Variants in NOX4 observed in about 807,000 individuals in gnomAD.
NOX4 encodes the protein kidney oxidase-1.
A neutral mutation model predicts 87.6 loss-of-function variants in NOX4; 69 were observed. The ratio of observed to expected loss-of-function variants is 0.79; its 90% CI spans 0.65 to 0.96. NOX4 has a LOEUF of 0.96. Ranked by LOEUF, NOX4 falls within the 40% of genes least tolerant of loss-of-function variation. The pLI, the probability that NOX4 is intolerant of heterozygous loss-of-function variation, is 0.00. For synonymous variants in NOX4, 275 were observed against 238.2 expected (o/e 1.15, Z -1.42); for missense variants, 680 against 681.5 (o/e 1.00, Z 0.02).
rs557349446 is a variant in NOX4 at position 89,340,053 on chromosome 11, C to G, written c.1446+10G>C. 9 of 1,463,578 alleles carry G rather than the reference C, an allele frequency of 6.1e-6. No homozygotes were observed. The highest frequency in any genetic ancestry group is 8.3e-6 in the Non-Finnish European group (9 of 1,090,594). 90.7% of individuals were successfully genotyped at this position (1,463,578 alleles called of 1,614,324 possible). Reference sequence around the variant, plus strand: ...AAAAATTGCAAAACTAGAACCAACCCTAATGTTACCTTGTTATGCAACATA... The same window carrying G: ...AAAAATTGCAAAACTAGAACCAACCGTAATGTTACCTTGTTATGCAACATA... On this transcript the variant is annotated intron_variant, in intron 15 of 17. Coordinates refer to ENST00000263317, the MANE Select transcript of NOX4 (RefSeq NM_016931.5).
chr11:89,412,765 C>G (rs1942547213), intron 8 of NOX4, among the ~76,000 whole-genome samples: 1 of 152,034 alleles, frequency 6.6e-6, no homozygotes, highest in Admixed American at 6.6e-5. Flanking sequence ...GGACATTGGA[C>G]TGGGCAAAGA....
At chr11:89,571,441 C>T in the NOX4 span, among the ~76,000 whole-genome samples, 3 of 152,024 alleles carry the variant, frequency 2.0e-5, no homozygotes, top group Middle Eastern at 3.4e-3. Flanking sequence ...GGACTACAGG[C>T]GCACACCACC....
At chr11:89,542,242 C>G in the NOX4 span, among the ~76,000 whole-genome samples, 1 of 152,194 alleles carries the variant, frequency 6.6e-6, no homozygotes, top group East Asian at 1.9e-4. Flanking sequence ...GATTCTGCTT[C>G]CTAATTATTG....
intron 8 of NOX4, among the ~76,000 whole-genome samples, chr11:89,409,744 A>T (rs541856417): frequency 2.0e-5 from 3 of 152,118 alleles, no homozygotes; most frequent in Admixed American, 1.3e-4. Flanking sequence ...AAGTTAAAAA[A>T]ACTTTATATC....
rs367976678 is a variant in NOX4, at chr11:89,373,417, G to A, written c.1135+15C>T. 2.8e-5 allele frequency: 41 copies of A among 1,482,370 alleles called. No individual in the cohort carries two copies. The highest frequency in any genetic ancestry group is 4.7e-5 in the South Asian group (4 of 85,688). 91.8% of individuals were successfully genotyped at this position (1,482,370 alleles called of 1,614,324 possible). ...TTTTCAAAGAATGTATCTTAAAACT[G>A]TATGTTCTACATACCTGTCCAGTCT... is the stretch of plus-strand genomic sequence containing the variant. On this transcript the variant is annotated intron_variant, in intron 12 of 17. Transcript: ENST00000263317.
At chr11:89,537,200 G>A in the NOX4 span, among the ~76,000 whole-genome samples, 1 of 152,074 alleles carries the variant, frequency 6.6e-6, no homozygotes, top group African/African-American at 2.4e-5. Flanking sequence ...GTCAGCCAAC[G>A]TCCTTAGTCA....
At chr11:89,485,552 G>A (rs1050119579) in intron 2 of NOX4, among the ~76,000 whole-genome samples, 1 of 152,020 alleles carries the variant, frequency 6.6e-6, no homozygotes, top group Non-Finnish European at 1.5e-5. Context: ...GAATTCAAGA[G>A]CTCCTATAAA....
At chr11:89,355,489 A>G (rs1937973855) in intron 12 of NOX4, among the ~76,000 whole-genome samples, 2 of 151,592 alleles carry the variant, frequency 1.3e-5, no homozygotes, top group Non-Finnish European at 2.9e-5. Flanking sequence ...TATCTTTATG[A>G]TCAAATCTTA....
intron 11 of NOX4, among the ~76,000 whole-genome samples, chr11:89,389,150 A>T (rs574443949): frequency 6.6e-6 from 1 of 152,282 alleles, no homozygotes; most frequent in African/African-American, 2.4e-5. Flanking sequence ...ACCATGAGAA[A>T]ATATAGGTGT....
rs1946846949 is a variant in NOX4 at position 89,491,322 on chromosome 11, C to CA, written c.-77dup. On this transcript the variant is annotated 5_prime_UTR_variant, in exon 1 of 18. Coordinates refer to ENST00000263317, the MANE Select transcript of NOX4 (RefSeq NM_016931.5). Reference sequence around the variant, plus strand: ...CGGGCGGCGGCCGGGGCAGCGGTTACAGTTGTGCGGCCTGCCGGGCCGCTG... The same window carrying CA: ...CGGGCGGCGGCCGGGGCAGCGGTTACAAGTTGTGCGGCCTGCCGGGCCGCTG... 3 of 1,375,836 alleles carry CA rather than the reference C, an allele frequency of 2.2e-6. No homozygotes were observed. The African/African-American group carries it at 4.3e-5, about 20-fold the overall frequency. 85.2% of individuals were successfully genotyped at this position (1,375,836 alleles called of 1,614,324 possible). A position where few individuals can be genotyped will look rare whatever the true frequency, so the allele number is the denominator to read the frequency against.
intron 2 of NOX4, among the ~76,000 whole-genome samples, chr11:89,487,054 G>C (rs595518): frequency 4.6e-5 from 7 of 151,932 alleles, no homozygotes; most frequent in Non-Finnish European, 7.4e-5. Context: ...GGGCAGCACT[G>C]GTAAAAATTA....
chr11:89,505,065 C>T, the NOX4 span, among the ~76,000 whole-genome samples: 1 of 151,954 alleles, frequency 6.6e-6, no homozygotes, highest in Admixed American at 6.6e-5. Context: ...GCTTTCTTGC[C>T]TTAATCACTC....
At chr11:89,475,004 G>T (rs1287336077) in intron 2 of NOX4, among the ~76,000 whole-genome samples, 2 of 151,594 alleles carry the variant, frequency 1.3e-5, no homozygotes, top group African/African-American at 4.8e-5. Context: ...AACTGCATTT[G>T]CAGAAATATG....
rs192146398 is a variant in NOX4 at position 89,484,555 on chromosome 11, T to C, written c.153+5903A>G. 1.2e-3 allele frequency among the ~76,000 whole-genome samples: 181 copies of C among 152,132 alleles called. 2 individuals carry two copies. The highest frequency in any genetic ancestry group is 3.4e-3 in the Middle Eastern group (1 of 292). On this transcript the variant is annotated intron_variant, in intron 2 of 17. Transcript: ENST00000263317. ...TTCATTATAGTGGCTAATATTGGAC[T>C]AAGGAGAACAATAGACTAAATAGTG...
chr11:89,397,296 A>T (rs531635673), intron 11 of NOX4, among the ~76,000 whole-genome samples: 1 of 152,320 alleles, frequency 6.6e-6, no homozygotes, highest in African/African-American at 2.4e-5. Flanking sequence ...ATATACCAGA[A>T]TCTCTGGGAC....
chr11:89,569,410 G>A, the NOX4 span, among the ~76,000 whole-genome samples: 7 of 151,934 alleles, frequency 4.6e-5, no homozygotes, highest in Admixed American at 2.6e-4. Context: ...ATGAATAGGC[G>A]TTTCTCAAGA....
At chr11:89,497,442 TAAACTC>T (rs1476719658) in intron 1 of NOX4, among the ~76,000 whole-genome samples, 10 of 152,332 alleles carry the variant, frequency 6.6e-5, no homozygotes, top group South Asian at 4.1e-4. Context: ...AAGAAAATCT[TAAACTC>T]AAACTATTAG....
chr11:89,440,859 A>C, intron 5 of NOX4, 144 bp from the exon 6 acceptor site: 1 of 481,308 alleles, frequency 2.1e-6, no homozygotes, highest in Non-Finnish European at 3.7e-6. Flanking sequence ...GACTCGATTA[A>C]GTTTCATAAC....
chr11:89,475,845 C>T (rs1946142859), intron 2 of NOX4, among the ~76,000 whole-genome samples: 1 of 151,986 alleles, frequency 6.6e-6, no homozygotes, highest in Admixed American at 6.6e-5. Flanking sequence ...TACTAACTGG[C>T]CCCAAACATT....
Sources: allele counts gnomAD v4.1 joint callset (sites outside exome capture counted in the v4.1 genomes callset), GRCh38; gene constraint gnomAD v4.1.1; transcripts MANE v1.5; gene names NCBI Gene and HGNC (gene_info 2026-07-23, HGNC 2026-07-21).